The following RIMBP2 variants were observed in gnomAD, a reference collection of about 807,000 sequenced individuals.
RIMBP2 encodes RIMS-binding protein 2.
In RIMBP2, 48 loss-of-function variants were observed where a neutral mutation model predicts 118.6. The observed-to-expected ratio is 0.40, with a 90% CI of 0.32 to 0.51. The LOEUF (loss-of-function observed/expected upper bound fraction) is 0.51. Among genes scored for constraint, RIMBP2 ranks in the 20% least tolerant of loss-of-function variants. The probability of loss-of-function intolerance (pLI) is 0.41; values close to 1 mark genes in which losing one functional copy is unlikely to be tolerated. For synonymous variants in RIMBP2, 762 were observed against 742.9 expected, an observed-to-expected ratio of 1.03 and a Z score of -0.42; for missense variants, 1,551 against 1,768.3, an observed-to-expected ratio of 0.88 and a Z score of 2.20.
intron 2 of RIMBP2, among the ~76,000 whole-genome samples, chr12:130,593,106 G>C (rs910053784): frequency 6.6e-6 from 1 of 152,070 alleles, no homozygotes; most frequent in Admixed American, 6.6e-5. Context: ...TTCCCTCTAC[G>C]TGGAGCATCC....
At position 130,431,043 on chromosome 12, in the gene RIMBP2, T is replaced by C. The variant is rs569415797; in HGVS notation, c.2254-2706A>G. 8.5e-4 allele frequency among the ~76,000 whole-genome samples: 129 copies of C among 152,280 alleles called. No individual in the cohort carries two copies. The highest frequency in any genetic ancestry group is 2.7e-3 in the African/African-American group (114 of 41,554). Reference sequence around the variant, plus strand: ...TTTTAAAAATAGATAACTAAAGATATTATTTATTGGTACAGTGAGCATTTC... The same window carrying C: ...TTTTAAAAATAGATAACTAAAGATACTATTTATTGGTACAGTGAGCATTTC... On this transcript the variant is annotated intron_variant, in intron 14 of 22. Coordinates refer to ENST00000690449, the MANE Select transcript of RIMBP2 (RefSeq NM_001393629.1). The surrounding 1 kb of genome is among the most constrained non-coding windows in gnomAD (Gnocchi z 4.0).
chr12:130,436,789 TCCC>T, intron 13 of RIMBP2, 50 bp downstream of exon 13: 12 of 1,322,998 alleles, frequency 9.1e-6, no homozygotes, highest in Non-Finnish European at 1.1e-5. Context: ...CAGGGCCCCG[TCCC>T]GTGGGGTTTG....
chr12:130,663,778 C>A (rs555241875), intron 1 of RIMBP2, among the ~76,000 whole-genome samples: 2 of 151,696 alleles, frequency 1.3e-5, no homozygotes, highest in Admixed American at 6.6e-5. Context: ...GACTGGCAAC[C>A]CTGCTTCTAG....
rs1295988680 is a variant in RIMBP2, at chr12:130,431,112, T to C, written c.2254-2775A>G. 1.3e-5 allele frequency among the ~76,000 whole-genome samples: 2 copies of C among 152,184 alleles called. No individual in the cohort carries two copies. Among genetic ancestry groups the C allele is most frequent in the Non-Finnish European group, 2.9e-5 (2 of 68,038 alleles). On this transcript the variant is annotated intron_variant, in intron 14 of 22. Coordinates refer to ENST00000690449, the MANE Select transcript of RIMBP2 (RefSeq NM_001393629.1). This position sits in a 1 kb window ranked among gnomAD's most constrained non-coding sequence, Gnocchi z 4.0. ...AAATGCTTTTGTAATATTGGGAGAATGGAGGTGATTTTTTCAGAGCAAATG... is the reference window on the plus strand; with the variant it reads ...AAATGCTTTTGTAATATTGGGAGAACGGAGGTGATTTTTTCAGAGCAAATG...
intron 17 of RIMBP2, among the ~76,000 whole-genome samples, chr12:130,421,865 G>T (rs2076435551): frequency 6.6e-6 from 1 of 152,140 alleles, no homozygotes; most frequent in Non-Finnish European, 1.5e-5. Flanking sequence ...TGACTAAAAC[G>T]ATAGCTTTCA....
intron 1 of RIMBP2, among the ~76,000 whole-genome samples, chr12:130,691,633 T>C (rs1370633778): frequency 6.6e-6 from 1 of 152,124 alleles, no homozygotes; most frequent in Non-Finnish European, 1.5e-5. Context: ...ATGGCCCCAC[T>C]GCACTCCAGC....
intron 2 of RIMBP2, among the ~76,000 whole-genome samples, chr12:130,608,579 G>T (rs1022551190): frequency 6.6e-6 from 1 of 152,188 alleles, no homozygotes; most frequent in Non-Finnish European, 1.5e-5. Flanking sequence ...CCCTCCTCCT[G>T]GGGGGAGGTG....
intron 6 of RIMBP2, among the ~76,000 whole-genome samples, chr12:130,463,047 G>A (rs1054544830): frequency 3.3e-5 from 5 of 152,222 alleles, no homozygotes; most frequent in South Asian, 2.1e-4. Flanking sequence ...GAAGGCTCTC[G>A]TGACTGCCAG....
chr12:130,410,325 C>T (rs1240330756), intron 19 of RIMBP2, among the ~76,000 whole-genome samples: 2 of 152,222 alleles, frequency 1.3e-5, no homozygotes, highest in East Asian at 3.8e-4. Flanking sequence ...TTCTGCCAGC[C>T]TGTGGCTTTT....
intron 17 of RIMBP2, among the ~76,000 whole-genome samples, chr12:130,416,033 G>A (rs568550829): frequency 3.5e-4 from 53 of 152,178 alleles, no homozygotes; most frequent in Middle Eastern, 3.4e-3. Flanking sequence ...AACCAAGGAG[G>A]TGAAAGATCT....
intron 1 of RIMBP2, among the ~76,000 whole-genome samples, chr12:130,678,379 G>A (rs76638913): frequency 0.018 from 2,748 of 152,368 alleles, 43 homozygotes; most frequent in Non-Finnish European, 0.028. Flanking sequence ...CGAGCGGATC[G>A]TAGTGCTGCT....
Position 130,397,170 on chromosome 12 carries a change from G to A in RIMBP2, c.*191C>T, listed in dbSNP as rs922969143. 25 of 354,052 alleles carry A rather than the reference G, an allele frequency of 7.1e-5. No individual in the cohort carries two copies. The highest frequency in any genetic ancestry group is 1.4e-3 in the Middle Eastern group (2 of 1,394). The allele number at this position is 354,052 out of a possible 1,614,324, so 21.9% of individuals were successfully genotyped here. ...TGGACAATGAGAGCAGACTGCCAGC[G>A]GTGACAGAGAGCAACCGCTCCTCTT... On this transcript the variant is annotated 3_prime_UTR_variant, in exon 23 of 23. Transcript: ENST00000690449.
intron 12 of RIMBP2, 30 bp downstream of exon 12, chr12:130,438,335 A>AGCCCCCCCCCCCC: frequency 9.2e-6 from 8 of 865,004 alleles, no homozygotes; most frequent in Non-Finnish European, 1.5e-5. Context: ...GGCCTAACAA[A>AGCCCCCCCCCCCC]CCCTCCCCAC....
rs566114988 is a variant in RIMBP2 at position 130,396,490 on chromosome 12, T to A, written c.*871A>T. On this transcript the variant is annotated 3_prime_UTR_variant, in exon 23 of 23. Coordinates refer to ENST00000690449, the MANE Select transcript of RIMBP2 (RefSeq NM_001393629.1). ...AATGATGAAGATGGGTATGGACTCA[T>A]TTGGAGCAGATTTAAATTGAGTCTG... 7.9e-5 allele frequency: 12 copies of A among 152,730 alleles called. No homozygotes were observed. Among genetic ancestry groups the A allele is most frequent in the Admixed American group, 7.8e-4 (12 of 15,302 alleles). 9.5% of individuals were successfully genotyped at this position (152,730 alleles called of 1,614,324 possible). A position where few individuals can be genotyped will look rare whatever the true frequency, so the allele number is the denominator to read the frequency against.
chr12:130,632,972 G>A lies in RIMBP2; in HGVS notation c.-351-4516C>T, dbSNP rs377335572. 4.3e-4 allele frequency among the ~76,000 whole-genome samples: 65 copies of A among 152,298 alleles called. No individual in the cohort carries two copies. The South Asian group carries it at 0.013, about 30-fold the overall frequency. ...TCTGCCCCATAAACATCTTCCTCAC[G>A]GAGCACAGGATCATGCCTTCTGCCA... On this transcript the variant is annotated intron_variant, in intron 1 of 22. Coordinates refer to ENST00000690449, the MANE Select transcript of RIMBP2 (RefSeq NM_001393629.1).
rs117957218 is a variant in RIMBP2, at chr12:130,456,389, C to T, written c.358+107G>A. 6,947 of 923,250 alleles carry T rather than the reference C, an allele frequency of 7.5e-3. 32 individuals are homozygous for T. Among genetic ancestry groups the T allele is most frequent in the Non-Finnish European group, 9.9e-3 (6,161 of 624,664 alleles). 57.2% of individuals were successfully genotyped at this position (923,250 alleles called of 1,614,324 possible). ...CCCATTGCAGTGGCGGGTCCCTGTA[C>T]CCTCTGCCAGGTGTCACCAAACCGA... On this transcript the variant is annotated intron_variant, in intron 7 of 22. Transcript: ENST00000690449.
Position 130,442,554 on chromosome 12 carries a change from C to G in RIMBP2, c.798G>C (p.Gln266His). Residue 266 changes from glutamine (Q) to histidine (H), a missense_variant, in exon 11 of 23, where the codon CAG becomes CAC. Coordinates refer to ENST00000690449, the MANE Select transcript of RIMBP2 (RefSeq NM_001393629.1). This position sits in a 1 kb window ranked among gnomAD's most constrained non-coding sequence, Gnocchi z 6.9. ...CGATGCCGGAATGGTTGATGAAGTTCTGATCCTGCTCGTTCCCCAGCGTGC... is the reference window on the plus strand; with the variant it reads ...CGATGCCGGAATGGTTGATGAAGTTGTGATCCTGCTCGTTCCCCAGCGTGC... ...LASTLGNEQD[Q>H]NFINHSGIGL... 1 of 1,614,148 alleles carries G rather than the reference C, an allele frequency of 6.2e-7. No homozygotes were observed. The highest frequency in any genetic ancestry group is 1.3e-5 in the African/African-American group (1 of 75,036).
chr12:130,555,984 G>C (rs545977531), intron 2 of RIMBP2, among the ~76,000 whole-genome samples: 1 of 152,306 alleles, frequency 6.6e-6, no homozygotes, highest in African/African-American at 2.4e-5. Flanking sequence ...CATCATGGTT[G>C]TCATGGCAAC....
chr12:130,404,631 G>A (rs569212994), intron 21 of RIMBP2, among the ~76,000 whole-genome samples: 25 of 152,182 alleles, frequency 1.6e-4, no homozygotes, highest in African/African-American at 5.3e-4. Flanking sequence ...TAAAGGATGC[G>A]TAAGAATAAA....
Sources: allele counts gnomAD v4.1 joint callset (sites outside exome capture counted in the v4.1 genomes callset), GRCh38; gene constraint gnomAD v4.1.1; non-coding constraint Gnocchi (gnomAD v3.1); transcripts MANE v1.5; gene names NCBI Gene and HGNC (gene_info 2026-07-23, HGNC 2026-07-21).